BPTF: variants seen among roughly 807,000 people sequenced by gnomAD.
BPTF encodes bromodomain PHD finger transcription factor, also known as nucleosome-remodeling factor subunit BPTF.
A neutral mutation model predicts 292.5 loss-of-function variants in BPTF; 18 were observed. The observed-to-expected ratio is 0.06, with a 90% CI of 0.04 to 0.09. The LOEUF (loss-of-function observed/expected upper bound fraction) is 0.09, where lower values mean the gene tolerates loss of function less well. Among genes scored for constraint, BPTF ranks in the 10% least tolerant of loss-of-function variants. The pLI is 1.00. For missense variants in BPTF, 2,726 were observed against 3,498.7 expected (o/e 0.78, Z 5.57); for synonymous variants, 1,225 against 1,251.9 (o/e 0.98, Z 0.45).
At chr17:67,870,371 G>T (rs2059648648) in intron 3 of BPTF, among the ~76,000 whole-genome samples, 1 of 151,626 alleles carries the variant, frequency 6.6e-6, no homozygotes. Flanking sequence ...GACATTTTTG[G>T]GTGCCTCCTG....
At chr17:67,856,925 G>A (rs118168221) in intron 2 of BPTF, among the ~76,000 whole-genome samples, 3,809 of 151,982 alleles carry the variant, frequency 0.025, 181 homozygotes, top group African/African-American at 0.087. Flanking sequence ...GGGGAGAATG[G>A]TGGTTTAGGA....
chr17:67,934,609 C>G (rs1018419503), intron 18 of BPTF, among the ~76,000 whole-genome samples: 1 of 151,612 alleles, frequency 6.6e-6, no homozygotes, highest in Non-Finnish European at 1.5e-5. Flanking sequence ...GGTGTGGTGG[C>G]TCACTCCTGT....
intron 23 of BPTF, among the ~76,000 whole-genome samples, chr17:67,958,784 G>A (rs1342147096): frequency 4.0e-5 from 6 of 151,690 alleles, no homozygotes; most frequent in African/African-American, 1.5e-4. Flanking sequence ...GGCCAACATG[G>A]CGAAACCCCG....
intron 9 of BPTF, among the ~76,000 whole-genome samples, chr17:67,906,999 A>C (rs2146752523): frequency 6.6e-6 from 1 of 152,260 alleles, no homozygotes; most frequent in African/African-American, 2.4e-5. Context: ...AGCCTGGGCA[A>C]CATGGCAAAT....
chr17:67,893,909 G>T, intron 6 of BPTF, 125 bp from the exon 7 acceptor site: 3 of 1,279,460 alleles, frequency 2.3e-6, no homozygotes, highest in Non-Finnish European at 2.2e-6. Flanking sequence ...CTAACTATTT[G>T]GAGGATTTTT....
chr17:67,891,755 A>G (rs1368840158), intron 4 of BPTF, 89 bp from the exon 5 acceptor site: 1 of 964,658 alleles, frequency 1.0e-6, no homozygotes, highest in East Asian at 2.9e-5. Context: ...GATCTTACAC[A>G]TACACCAGAT....
Position 67,912,268 on chromosome 17 carries a change from A to G in BPTF, c.4384A>G (p.Ile1462Val), listed in dbSNP as rs771437944. 34 of 1,613,468 alleles carry G rather than the reference A, an allele frequency of 2.1e-5. No homozygotes were observed. Among genetic ancestry groups the G allele is most frequent in the South Asian group, 1.6e-4 (15 of 91,038 alleles). Residue 1462 changes from isoleucine (I) to valine (V), a missense_variant, in exon 11 of 28, where the codon ATA (isoleucine) becomes GTA (valine). By Grantham distance (29) the Ile-to-Val change is conservative (BLOSUM62 3). Transcript: ENST00000306378. ...IKSLTVKESAIRPFINGDVIM... is the reference protein window; with the variant it reads ...IKSLTVKESAVRPFINGDVIM... ...ATCATTGACTGTTAAAGAATCTGCT[A>G]TAAGGCCATTCATTAATGGTGATGT...
chr17:67,826,975 C>T (rs560593852), intron 1 of BPTF, among the ~76,000 whole-genome samples: 18 of 152,176 alleles, frequency 1.2e-4, no homozygotes, highest in South Asian at 4.1e-4. Context: ...CTAATGGGCC[C>T]GTGCAACAGT....
Position 67,959,551 on chromosome 17 carries a change from A to G in BPTF, c.7937A>G (p.Lys2646Arg). 6.6e-7 allele frequency: 1 copy of G among 1,523,298 alleles called. No individual in the cohort carries two copies. Among genetic ancestry groups the G allele is most frequent in the Non-Finnish European group, 8.8e-7 (1 of 1,140,588 alleles). The allele number at this position is 1,523,298 out of a possible 1,614,324, so 94.4% of individuals were successfully genotyped here. The change falls in exon 24 of 28, where the codon AAG (lysine) becomes AGG (arginine). Residue 2646 changes from lysine (K) to arginine (R), a missense_variant. Lys to Arg is a conservative substitution (Grantham distance 26). Coordinates refer to ENST00000306378, the MANE Select transcript of BPTF (RefSeq NM_182641.4). Reference sequence around the variant, plus strand: ...TTTAATTGATAACAGGAAGAGCTGAAGAGAGACCTGAAAATTAAGAAAGAA... The same window carrying G: ...TTTAATTGATAACAGGAAGAGCTGAGGAGAGACCTGAAAATTAAGAAAGAA... ...DLQIEVQEELKRDLKIKKEKD... is the reference protein window; with the variant it reads ...DLQIEVQEELRRDLKIKKEKD...
At chr17:67,919,932 T>G in intron 12 of BPTF, 83 bp from the exon 13 acceptor site, 1 of 1,367,192 alleles carries the variant, frequency 7.3e-7, no homozygotes. Flanking sequence ...CACGTGTGTC[T>G]CTTTTTGAAA....
intron 27 of BPTF, chr17:67,981,640 G>A (rs2070376598): frequency 9.8e-7 from 1 of 1,025,286 alleles, no homozygotes; most frequent in Non-Finnish European, 1.2e-6. Context: ...TTTAAAAATT[G>A]TAAACTCTTG....
In BPTF at chr17:67,928,378, G is replaced by T; in HGVS notation, c.5775G>T (p.Pro1925=). 1 of 1,612,850 alleles carries T rather than the reference G, an allele frequency of 6.2e-7. No individual in the cohort carries two copies. The highest frequency in any genetic ancestry group is 8.5e-7 in the Non-Finnish European group (1 of 1,179,356). The part of the protein sequence containing the change: ...QAKKRLEQQK[P]TVIATSTTSP... Reference sequence around the variant, plus strand: ...AGAAACGACTGGAGCAGCAGAAGCCGACAGTGATTGCAACTTCCACTACTT... The same window carrying T: ...AGAAACGACTGGAGCAGCAGAAGCCTACAGTGATTGCAACTTCCACTACTT... The change falls in exon 16 of 28, where the codon CCG becomes CCT. Residue 1925 remains proline, a synonymous_variant. Coordinates refer to ENST00000306378, the MANE Select transcript of BPTF (RefSeq NM_182641.4).
At chr17:67,929,262 C>T in intron 16 of BPTF, 74 bp from the exon 17 acceptor site, 1 of 1,568,728 alleles carries the variant, frequency 6.4e-7, no homozygotes, top group Non-Finnish European at 8.7e-7. Flanking sequence ...GTAGTTTCTC[C>T]TCAGCAACCG....
At chr17:67,938,128 A>G (rs1255311873) in intron 18 of BPTF, among the ~76,000 whole-genome samples, 3 of 152,194 alleles carry the variant, frequency 2.0e-5, no homozygotes, top group Admixed American at 2.0e-4. Context: ...GTCAGAAATT[A>G]TTACATTTTT....
chr17:67,931,759 T>C, intron 17 of BPTF, 152 bp from the exon 18 acceptor site: 1 of 561,796 alleles, frequency 1.8e-6, no homozygotes, highest in South Asian at 2.9e-5. Context: ...TTCTGATGTT[T>C]AATACAATTT....
At chr17:67,901,326 C>G (rs1479797657) in intron 7 of BPTF, among the ~76,000 whole-genome samples, 1 of 150,410 alleles carries the variant, frequency 6.6e-6, no homozygotes, top group African/African-American at 2.4e-5. Context: ...AACCCAGAAC[C>G]CTAAAAACAA....
At chr17:67,855,766 C>A (rs2058654275) in intron 2 of BPTF, among the ~76,000 whole-genome samples, 1 of 152,170 alleles carries the variant, frequency 6.6e-6, no homozygotes, top group African/African-American at 2.4e-5. Flanking sequence ...AAGCCCTCTT[C>A]CAGTTCTTAG....
chr17:67,953,183 G>T (rs112365809), intron 23 of BPTF, among the ~76,000 whole-genome samples: 1 of 151,286 alleles, frequency 6.6e-6, no homozygotes, highest in East Asian at 2.0e-4. Context: ...GGATGGTCTC[G>T]ATCTCCTGAC....
intron 14 of BPTF, 89 bp from the exon 15 acceptor site, chr17:67,924,458 G>A (rs1402518074): frequency 1.6e-6 from 2 of 1,280,772 alleles, no homozygotes; most frequent in Admixed American, 2.1e-5. Flanking sequence ...ACCTTTGTAT[G>A]ATGTGAAAAT....
Sources: gnomAD v4.1 joint callset for allele counts (sites outside exome capture counted in the v4.1 genomes callset) on GRCh38, gnomAD v4.1.1 for gene constraint, MANE v1.5 for transcripts, NCBI Gene and HGNC (gene_info 2026-07-23, HGNC 2026-07-21) for gene names.